LARS2: variants seen among roughly 807,000 people sequenced by gnomAD.
LARS2 encodes the protein leucyl-tRNA synthetase 2, mitochondrial.
A neutral mutation model predicts 116.6 loss-of-function variants in LARS2; 81 were observed. That is an observed-to-expected ratio of 0.69 (90% confidence interval 0.58 to 0.84). LARS2 has a LOEUF of 0.84. Among genes scored for constraint, LARS2 ranks in the 40% least tolerant of loss-of-function variants. The probability of loss-of-function intolerance (pLI) is 0.00; values close to 1 mark genes in which losing one functional copy is unlikely to be tolerated. For synonymous variants in LARS2, 396 were observed against 407.2 expected (o/e 0.97, Z 0.33); for missense variants, 968 against 1,114.5 (o/e 0.87, Z 1.87).
intron 15 of LARS2, among the ~76,000 whole-genome samples, chr3:45,511,401 A>G (rs1343038241): frequency 6.6e-6 from 1 of 152,178 alleles, no homozygotes; most frequent in East Asian, 1.9e-4. Flanking sequence ...CAGTCAGGCT[A>G]TAGGGGCCCA....
At chr3:45,543,607 G>A (rs1323783191) in intron 21 of LARS2, among the ~76,000 whole-genome samples, 1 of 151,910 alleles carries the variant, frequency 6.6e-6, no homozygotes, top group African/African-American at 2.4e-5. Flanking sequence ...GAGATTACAG[G>A]CATGTGCTAC....
At chr3:45,481,599 A>G (rs538602851) in intron 10 of LARS2, among the ~76,000 whole-genome samples, 2 of 152,126 alleles carry the variant, frequency 1.3e-5, no homozygotes, top group Admixed American at 1.3e-4. Flanking sequence ...TCCCTGATAC[A>G]TCTTTTCATG....
chr3:45,445,827 T>C (rs1699009221), intron 6 of LARS2, among the ~76,000 whole-genome samples: 1 of 152,222 alleles, frequency 6.6e-6, no homozygotes, highest in African/African-American at 2.4e-5. Context: ...TCCTACCACA[T>C]ACCCAAAGTC....
intron 20 of LARS2, among the ~76,000 whole-genome samples, chr3:45,526,109 TG>T (rs1386386559): frequency 6.6e-6 from 1 of 152,222 alleles, no homozygotes; most frequent in Non-Finnish European, 1.5e-5. Context: ...GTGTTTTCAG[TG>T]GATCTACAGG....
intron 4 of LARS2, among the ~76,000 whole-genome samples, chr3:45,411,499 C>T (rs1464172250): frequency 6.6e-6 from 1 of 152,214 alleles, no homozygotes; most frequent in Non-Finnish European, 1.5e-5. Flanking sequence ...GCAAAACCTT[C>T]CAGCCTTCCA....
At chr3:45,476,020 G>A (rs1699602423) in intron 9 of LARS2, among the ~76,000 whole-genome samples, 1 of 151,170 alleles carries the variant, frequency 6.6e-6, no homozygotes, top group Admixed American at 6.6e-5. Flanking sequence ...CTTCAAAGCA[G>A]TAATAACCTT....
At chr3:45,488,883 G>A in intron 12 of LARS2, 71 bp downstream of exon 12, 2 of 980,904 alleles carry the variant, frequency 2.0e-6, no homozygotes, top group East Asian at 2.4e-5. Flanking sequence ...TCCTTCAGGT[G>A]CAAATTACAA....
In LARS2 at chr3:45,458,775, A is replaced by T. The variant is rs562121957; in HGVS notation, c.639A>T (p.Thr213=). Residue 213 remains threonine, a synonymous_variant, in exon 8 of 22, where the codon ACA becomes ACT. Transcript: ENST00000645846. ...TTAACTGGGACCCAGTGGATCAAACAGTGCTTGCCAATGAGCAGGTGGATG... is the reference window on the plus strand; with the variant it reads ...TTAACTGGGACCCAGTGGATCAAACTGTGCTTGCCAATGAGCAGGTGGATG... ...ALVNWDPVDQ[T]VLANEQVDEH... is the part of the protein sequence containing the mutation. The T allele has an allele frequency of 1.9e-6, 3 of 1,614,080 alleles. No homozygotes were observed. The Admixed American group carries it at 5.0e-5, about 27-fold the overall frequency.
intron 1 of LARS2, among the ~76,000 whole-genome samples, chr3:45,389,584 T>C (rs1697903304): frequency 6.6e-6 from 1 of 152,202 alleles, no homozygotes; most frequent in Admixed American, 6.5e-5. Flanking sequence ...CAACTGAGAT[T>C]GAGGTCAGGG....
At chr3:45,443,669 T>C (rs922911117) in intron 6 of LARS2, among the ~76,000 whole-genome samples, 2 of 152,124 alleles carry the variant, frequency 1.3e-5, no homozygotes, top group Non-Finnish European at 2.9e-5. Context: ...CGCATTTCAG[T>C]ACGACGGAAC....
chr3:45,537,918 G>T (rs561524334), intron 20 of LARS2, among the ~76,000 whole-genome samples: 1 of 152,174 alleles, frequency 6.6e-6, no homozygotes, highest in Admixed American at 6.5e-5. Flanking sequence ...GGGAAGGAAG[G>T]GGGTGGGCTG....
chr3:45,472,962 C>T (rs1478867893), intron 8 of LARS2, among the ~76,000 whole-genome samples: 1 of 152,240 alleles, frequency 6.6e-6, no homozygotes, highest in East Asian at 1.9e-4. Flanking sequence ...GGATCTGCTT[C>T]TGTAGTACTG....
At chr3:45,395,259 C>G (rs1325931624) in intron 3 of LARS2, among the ~76,000 whole-genome samples, 1 of 152,236 alleles carries the variant, frequency 6.6e-6, no homozygotes, top group Non-Finnish European at 1.5e-5. Context: ...CCAGCCCTTT[C>G]ACTGTTGTGA....
intron 4 of LARS2, among the ~76,000 whole-genome samples, chr3:45,404,554 C>G (rs1698202633): frequency 6.6e-6 from 1 of 152,112 alleles, no homozygotes; most frequent in South Asian, 2.1e-4. Flanking sequence ...CTAATCTGGG[C>G]CTGCCAAACA....
At chr3:45,464,556 C>T (rs185223689) in intron 8 of LARS2, among the ~76,000 whole-genome samples, 68 of 152,282 alleles carry the variant, frequency 4.5e-4, no homozygotes, top group Admixed American at 2.2e-3. Flanking sequence ...CCCCTTCACC[C>T]CTGTCACTCC....
At chr3:45,452,921 A>G (rs1489754336) in intron 7 of LARS2, among the ~76,000 whole-genome samples, 1 of 152,184 alleles carries the variant, frequency 6.6e-6, no homozygotes, top group Non-Finnish European at 1.5e-5. Flanking sequence ...CCAGGAATTC[A>G]TCCATTTCTT....
At chr3:45,474,163 C>A (rs1699575406) in intron 8 of LARS2, 80 bp from the exon 9 acceptor site, 1 of 854,050 alleles carries the variant, frequency 1.2e-6, no homozygotes, top group South Asian at 1.8e-5. Flanking sequence ...CTTTTCCTAC[C>A]TTAACAAGCT....
At chr3:45,512,307 C>A (rs1700303381) in intron 15 of LARS2, among the ~76,000 whole-genome samples, 1 of 152,172 alleles carries the variant, frequency 6.6e-6, no homozygotes, top group East Asian at 1.9e-4. Context: ...ATGAATCATT[C>A]TTTGAGTTTG....
At chr3:45,399,003 C>T (rs1429915570) in intron 3 of LARS2, among the ~76,000 whole-genome samples, 1 of 152,160 alleles carries the variant, frequency 6.6e-6, no homozygotes, top group Non-Finnish European at 1.5e-5. Flanking sequence ...AGTCAGTGAT[C>T]CAATAAGGAC....
Sources: allele counts gnomAD v4.1 joint callset (sites outside exome capture counted in the v4.1 genomes callset), GRCh38; gene constraint gnomAD v4.1.1; transcripts MANE v1.5; gene names NCBI Gene and HGNC (gene_info 2026-07-23, HGNC 2026-07-21).